MKRN2OS: variants seen among roughly 807,000 people sequenced by gnomAD.
MKRN2OS encodes the protein MKRN2 opposite strand.
MKRN2OS carries 17 observed loss-of-function variants against 18.2 expected under a neutral mutation model. That is an observed-to-expected ratio of 0.93 (90% confidence interval 0.64 to 1.40). The LOEUF (loss-of-function observed/expected upper bound fraction) is 1.40. MKRN2OS is among the 40% of genes most tolerant of loss of function. MKRN2OS has a pLI of 0.00. For synonymous variants in MKRN2OS, 121 were observed against 108.5 expected (o/e 1.12, Z -0.72); for missense variants, 337 against 283.0 (o/e 1.19, Z -1.37).
intron 1 of MKRN2OS, among the ~76,000 whole-genome samples, chr3:12,556,834 C>T (rs1455369130): frequency 1.3e-5 from 2 of 152,178 alleles, no homozygotes; most frequent in African/African-American, 4.8e-5. Flanking sequence ...GGCAGAATCG[C>T]AGGCACTAAC....
chr3:12,557,889 T>A (rs1039187830), intron 1 of MKRN2OS, among the ~76,000 whole-genome samples: 7 of 152,216 alleles, frequency 4.6e-5, no homozygotes, highest in Non-Finnish European at 1.0e-4. Flanking sequence ...AATGGATGGT[T>A]TATTGTAGAA....
chr3:12,548,278 C>G (rs1308444293), upstream of MKRN2OS, among the ~76,000 whole-genome samples: 1 of 152,066 alleles, frequency 6.6e-6, no homozygotes, highest in African/African-American at 2.4e-5. Flanking sequence ...GAAACCTCGT[C>G]TGTACTAAAA....
At chr3:12,542,170 G>A (rs2057824031) in intron 2 of MKRN2OS, 148 bp from the exon 3 acceptor site, 1 of 821,988 alleles carries the variant, frequency 1.2e-6, no homozygotes, top group East Asian at 2.8e-5. Context: ...TCCACCTAAT[G>A]AGATTTAGAT....
chr3:12,557,110 G>C (rs1186089517), intron 1 of MKRN2OS: 1 of 1,491,590 alleles, frequency 6.7e-7, no homozygotes, highest in East Asian at 2.9e-5. Flanking sequence ...CAGCGGCTGC[G>C]AGAGGCGGCG....
upstream of MKRN2OS, among the ~76,000 whole-genome samples, chr3:12,548,381 G>A (rs2057902117): frequency 7.3e-6 from 1 of 136,762 alleles, no homozygotes; most frequent in Non-Finnish European, 1.5e-5. Flanking sequence ...CCGGGAGGCG[G>A]AGCTTGCAGT....
At chr3:12,544,185 TTTC>T (rs1393430457) in intron 1 of MKRN2OS, among the ~76,000 whole-genome samples, 1 of 152,124 alleles carries the variant, frequency 6.6e-6, no homozygotes, top group Non-Finnish European at 1.5e-5. Context: ...CAACTCCCAT[TTTC>T]TTATTCAAAA....
At position 12,539,944 on chromosome 3, in the gene MKRN2OS, C is replaced by T; in HGVS notation, c.*249G>A. 2.2e-6 allele frequency: 1 copy of T among 457,696 alleles called. No homozygotes were observed. Among genetic ancestry groups the T allele is most frequent in the Non-Finnish European group, 4.0e-6 (1 of 250,254 alleles). 28.4% of individuals were successfully genotyped at this position (457,696 alleles called of 1,614,324 possible). A position where few individuals can be genotyped will look rare whatever the true frequency, so the allele number is the denominator to read the frequency against. ...GGGATTACAGGCATGCGCCACCATG[C>T]CCAGCTAATTTTATATTTTTAGTAA... On this transcript the variant is annotated 3_prime_UTR_variant, in exon 4 of 4. Transcript: ENST00000564146.
chr3:12,541,068 A>G (rs113146585), intron 3 of MKRN2OS, among the ~76,000 whole-genome samples: 1 of 151,854 alleles, frequency 6.6e-6, no homozygotes, highest in African/African-American at 2.4e-5. Flanking sequence ...GTTTTATGAT[A>G]TTCCATAGTA....
Position 12,545,320 on chromosome 3 carries a change from C to G in MKRN2OS, c.145G>C (p.Ala49Pro). Residue 49 changes from alanine (A) to proline (P), a missense_variant, in exon 1 of 4, where the codon GCT becomes CCT. Ala to Pro is a conservative substitution (Grantham distance 27, BLOSUM62 -1). Transcript: ENST00000564146. ...RKLEDAPVSI[A>P]NPFTNGHQEK... ...TGATGTCCATTAGTAAATGGATTAG[C>G]GATGCTAACAGGTGCGTCCTCCAGC... 3 of 1,536,112 alleles carry G rather than the reference C, an allele frequency of 2.0e-6. No individual in the cohort carries two copies. The highest frequency in any genetic ancestry group is 2.6e-6 in the Non-Finnish European group (3 of 1,146,906).
chr3:12,544,241 A>G (rs560104420), intron 1 of MKRN2OS, among the ~76,000 whole-genome samples: 2 of 152,332 alleles, frequency 1.3e-5, no homozygotes, highest in African/African-American at 4.8e-5. Context: ...GGTAAACTCT[A>G]GGGAGCATTA....
chr3:12,548,372 C>T (rs1489771540), upstream of MKRN2OS, among the ~76,000 whole-genome samples: 1 of 142,296 alleles, frequency 7.0e-6, no homozygotes, highest in Non-Finnish European at 1.5e-5. Context: ...GGCGTGAACC[C>T]GGGAGGCGGA....
chr3:12,548,969 C>T (rs1400733884), upstream of MKRN2OS, among the ~76,000 whole-genome samples: 2 of 152,154 alleles, frequency 1.3e-5, no homozygotes, highest in Admixed American at 6.5e-5. Context: ...GAATCTCACT[C>T]TGTCGCCTAG....
intron 1 of MKRN2OS, 56 bp from the exon 2 acceptor site, chr3:12,543,285 T>A: frequency 6.9e-7 from 1 of 1,451,602 alleles, no homozygotes; most frequent in Non-Finnish European, 9.3e-7. Context: ...CATGAAGAAT[T>A]GGCATTTAAA....
In MKRN2OS at chr3:12,545,476, C is replaced by T. The variant is rs548730548; in HGVS notation, c.-12G>A. The T allele has an allele frequency of 4.0e-5, 60 of 1,498,452 alleles. 1 individual carries two copies. In the South Asian group the frequency reaches 7.0e-4, roughly 17 times the overall value. 92.8% of individuals were successfully genotyped at this position (1,498,452 alleles called of 1,614,324 possible). ...TCTGCGCAGTGCATAGCTTTCGCCT[C>T]CTGGAATGCTAGGGGAGGTTTCCGG... On this transcript the variant is annotated 5_prime_UTR_variant, in exon 1 of 4. Transcript: ENST00000564146.
upstream of MKRN2OS, among the ~76,000 whole-genome samples, chr3:12,549,228 C>G (rs2057910204): frequency 6.6e-6 from 1 of 151,828 alleles, no homozygotes; most frequent in Non-Finnish European, 1.5e-5. Context: ...CAGAAGTGAG[C>G]CACCACACCT....
At chr3:12,560,863 A>G (rs1340818717) in exon 1 of MKRN2OS, 1 of 152,260 alleles carries the variant, frequency 6.6e-6, no homozygotes, top group Non-Finnish European at 1.5e-5. Flanking sequence ...CGGTTTGTCC[A>G]TCAGAAAGGT....
chr3:12,560,149 G>A (rs2058024383), intron 1 of MKRN2OS, among the ~76,000 whole-genome samples: 2 of 152,200 alleles, frequency 1.3e-5, no homozygotes, highest in Non-Finnish European at 2.9e-5. Context: ...TTTGTATTAG[G>A]ATGAGCACTT....
intron 2 of MKRN2OS, among the ~76,000 whole-genome samples, chr3:12,542,508 G>T (rs1481499177): frequency 1.3e-5 from 2 of 151,998 alleles, no homozygotes; most frequent in Non-Finnish European, 2.9e-5. Flanking sequence ...GCCTCAGCGG[G>T]TAAGGAAAGG....
intron 1 of MKRN2OS, among the ~76,000 whole-genome samples, chr3:12,556,593 A>C (rs1370494993): frequency 6.6e-6 from 1 of 152,062 alleles, no homozygotes; most frequent in African/African-American, 2.4e-5. Context: ...AAACTTGTGG[A>C]AGTAGAGATT....
Sources: allele counts gnomAD v4.1 joint callset (sites outside exome capture counted in the v4.1 genomes callset), GRCh38; gene constraint gnomAD v4.1.1; transcripts MANE v1.5; gene names NCBI Gene and HGNC (gene_info 2026-07-23, HGNC 2026-07-21).